Variants in NEDD4L observed in about 807,000 individuals in gnomAD.
The protein encoded by NEDD4L is NEDD4 like E3 ubiquitin protein ligase.
Under a neutral mutation model 148.9 loss-of-function variants are expected in NEDD4L, and 54 were observed. The ratio of observed to expected loss-of-function variants is 0.36; its 90% CI spans 0.29 to 0.45. NEDD4L has a LOEUF of 0.45. Among genes scored for constraint, NEDD4L ranks in the 20% least tolerant of loss-of-function variants. The pLI is 1.00. For synonymous variants in NEDD4L, 433 were observed against 440.7 expected (o/e 0.98, Z 0.22); for missense variants, 856 against 1,233.8 (o/e 0.69, Z 4.59).
At chr18:58,209,713 A>G (rs1324200301) in intron 2 of NEDD4L, among the ~76,000 whole-genome samples, 1 of 115,256 alleles carries the variant, frequency 8.7e-6, no homozygotes, top group Admixed American at 8.2e-5. Flanking sequence ...TCAACTAAGT[A>G]AACAAAAAAA....
chr18:58,088,269 G>A (rs543381230), intron 1 of NEDD4L, among the ~76,000 whole-genome samples: 1 of 152,220 alleles, frequency 6.6e-6, no homozygotes, highest in Non-Finnish European at 1.5e-5. Flanking sequence ...TTACACGTCA[G>A]CATTATTCAT....
chr18:58,125,760 AT>A (rs1310097408), intron 1 of NEDD4L, among the ~76,000 whole-genome samples: 2 of 152,264 alleles, frequency 1.3e-5, no homozygotes, highest in African/African-American at 4.8e-5. Context: ...AACTCATGAT[AT>A]CAAAAATATT....
At position 58,341,784 on chromosome 18, in the gene NEDD4L, C is replaced by T. The variant is rs1469777807; in HGVS notation, c.1364C>T (p.Ser455Phe). ...CTCAGCTCGCCAACAGTAACTTTAT[C>T]TGCCCCGCTGGAGGTGAGACGGCTA... ...RSLSSPTVTL[S>F]APLEGAKDSP... Residue 455 changes from serine (S) to phenylalanine (F), a missense_variant, in exon 15 of 31, where the codon TCT becomes TTT. Around this residue, in one of 4 missense-constraint regions of NEDD4L, gnomAD observed 367 missense variants for 422.7 expected, o/e 0.87. Coordinates refer to ENST00000400345, the MANE Select transcript of NEDD4L (RefSeq NM_001144967.3). The T allele has an allele frequency of 2.5e-6, 4 of 1,613,126 alleles. No homozygotes were observed. The highest frequency in any genetic ancestry group is 3.4e-6 in the Non-Finnish European group (4 of 1,179,676).
At chr18:58,189,067 C>T (rs8090870) in intron 2 of NEDD4L, among the ~76,000 whole-genome samples, 3,227 of 152,274 alleles carry the variant, frequency 0.021, 113 homozygotes, top group African/African-American at 0.072. Context: ...CCTTTATCCT[C>T]ATCCAATATC....
At chr18:58,348,938 C>G (rs938086972) in intron 16 of NEDD4L, among the ~76,000 whole-genome samples, 1 of 152,194 alleles carries the variant, frequency 6.6e-6, no homozygotes, top group Non-Finnish European at 1.5e-5. Flanking sequence ...ATCTGCAGAA[C>G]TTGGTCAAGA....
chr18:58,330,277 A>G (rs1004774970), intron 10 of NEDD4L, among the ~76,000 whole-genome samples: 1 of 152,260 alleles, frequency 6.6e-6, no homozygotes, highest in Non-Finnish European at 1.5e-5. Flanking sequence ...TATAGCTTCT[A>G]TGCTGCTCCC....
chr18:58,143,406 G>A (rs1174134735), intron 1 of NEDD4L, among the ~76,000 whole-genome samples: 1 of 152,188 alleles, frequency 6.6e-6, no homozygotes, highest in Non-Finnish European at 1.5e-5. Context: ...AGACATTTCT[G>A]TGATTCTCAT....
chr18:58,372,282 TC>T (rs1206984992), intron 23 of NEDD4L: 2 of 116,394 alleles, frequency 1.7e-5, no homozygotes. Context: ...CTAGCTAATT[TC>T]TTTTTTTTTT....
chr18:58,218,160 AG>A (rs560995944), intron 2 of NEDD4L, among the ~76,000 whole-genome samples: 88 of 152,310 alleles, frequency 5.8e-4, no homozygotes, highest in African/African-American at 2.0e-3. Flanking sequence ...TGTTGCCTAC[AG>A]TTGAATTAAC....
chr18:58,217,528 G>A (rs1381287761), intron 2 of NEDD4L, among the ~76,000 whole-genome samples: 1 of 152,140 alleles, frequency 6.6e-6, no homozygotes, highest in Non-Finnish European at 1.5e-5. Context: ...CGAGTGTGGT[G>A]CCATGGTGTG....
At chr18:58,337,690 C>T (rs554233957) in intron 13 of NEDD4L, among the ~76,000 whole-genome samples, 23 of 152,200 alleles carry the variant, frequency 1.5e-4, no homozygotes, top group Non-Finnish European at 2.2e-4. Flanking sequence ...GACGTAAAGG[C>T]ACTACAGTGT....
Position 58,092,930 on chromosome 18 carries a change from G to A in NEDD4L, c.48+48222G>A, listed in dbSNP as rs536603292. ...GGCTGGAGTGCAGTGGCATGATCTC[G>A]GCTCACTGCAAGCTCCGCCTCCCAA... On this transcript the variant is annotated intron_variant, in intron 1 of 30. Transcript: ENST00000400345. 8.1e-5 allele frequency among the ~76,000 whole-genome samples: 12 copies of A among 148,222 alleles called. 1 individual carries two copies. Among genetic ancestry groups the A allele is most frequent in the Non-Finnish European group, 1.5e-4 (10 of 67,576 alleles).
At chr18:58,114,627 C>A (rs996036674) in intron 1 of NEDD4L, among the ~76,000 whole-genome samples, 3 of 152,094 alleles carry the variant, frequency 2.0e-5, no homozygotes, top group African/African-American at 7.3e-5. Flanking sequence ...GGCAGGACCG[C>A]AGAGCGGTGG....
At chr18:58,329,330 A>G (rs2144637233) in intron 10 of NEDD4L, among the ~76,000 whole-genome samples, 1 of 152,328 alleles carries the variant, frequency 6.6e-6, no homozygotes, top group Non-Finnish European at 1.5e-5. Context: ...GTGGCTCTAT[A>G]TTATAGAAAT....
chr18:58,187,494 A>C (rs1277691244), intron 2 of NEDD4L, among the ~76,000 whole-genome samples: 1 of 152,186 alleles, frequency 6.6e-6, no homozygotes, highest in Non-Finnish European at 1.5e-5. Context: ...ATTTAAATCT[A>C]AAAAATACAT....
intron 2 of NEDD4L, among the ~76,000 whole-genome samples, chr18:58,210,028 A>G (rs516354): frequency 0.45 from 68,629 of 151,838 alleles, 16,865 homozygotes; most frequent in African/African-American, 0.64. Flanking sequence ...TTGGCCGGGC[A>G]TGGTGGCTTA....
At chr18:58,056,204 G>A (rs2082078701) in intron 1 of NEDD4L, among the ~76,000 whole-genome samples, 1 of 152,020 alleles carries the variant, frequency 6.6e-6, no homozygotes, top group Non-Finnish European at 1.5e-5. Flanking sequence ...TGTTGCAGTC[G>A]ATATGTGTTT....
At chr18:58,087,431 C>T (rs990717532) in intron 1 of NEDD4L, among the ~76,000 whole-genome samples, 4 of 152,192 alleles carry the variant, frequency 2.6e-5, no homozygotes, top group African/African-American at 9.7e-5. Context: ...AGTTCCTGCC[C>T]ATTGCCACGT....
At chr18:58,382,339 C>T (rs796128562) in intron 24 of NEDD4L, among the ~76,000 whole-genome samples, 67 of 152,266 alleles carry the variant, frequency 4.4e-4, no homozygotes, top group African/African-American at 1.1e-3. Context: ...TCCTGGGTAC[C>T]ACCCTAACAC....
Sources: gnomAD v4.1 joint callset for allele counts (sites outside exome capture counted in the v4.1 genomes callset) on GRCh38, gnomAD v4.1.1 for gene constraint, gnomAD v4.1.1 regional missense constraint, MANE v1.5 for transcripts, NCBI Gene and HGNC (gene_info 2026-07-23, HGNC 2026-07-21) for gene names.